The following GLIS3 variants were observed in gnomAD, a reference collection of about 807,000 sequenced individuals.
The protein encoded by GLIS3 is zinc finger protein GLIS3.
A neutral mutation model predicts 78.6 loss-of-function variants in GLIS3; 53 were observed. The ratio of observed to expected loss-of-function variants is 0.67; its 90% confidence interval spans 0.54 to 0.85. The LOEUF (loss-of-function observed/expected upper bound fraction) is 0.85. GLIS3 is among the 40% of genes least tolerant of loss of function. GLIS3 has a pLI of 0.00. For missense variants in GLIS3, 1,703 were observed against 1,231.1 expected, an observed-to-expected ratio of 1.38 and a Z score of -5.74; for synonymous variants, 684 against 509.9, an observed-to-expected ratio of 1.34 and a Z score of -4.60.
At chr9:4,323,473 T>G (rs1436398078) in intron 2 of GLIS3, among the ~76,000 whole-genome samples, 3 of 152,220 alleles carry the variant, frequency 2.0e-5, no homozygotes, top group African/African-American at 7.2e-5. Flanking sequence ...AGGGATTCAT[T>G]CATTTATATT....
chr9:3,885,667 G>C (rs1319681383), intron 7 of GLIS3, among the ~76,000 whole-genome samples: 1 of 152,202 alleles, frequency 6.6e-6, no homozygotes, highest in Non-Finnish European at 1.5e-5. Context: ...ACACTGAAAA[G>C]AATGAGAAGC....
the GLIS3 span, among the ~76,000 whole-genome samples, chr9:4,464,767 A>G: frequency 5.3e-5 from 8 of 152,224 alleles, no homozygotes; most frequent in Admixed American, 3.3e-4. Flanking sequence ...GGCAAATAAT[A>G]TAAGTGGTAT....
chr9:3,881,549 A>G (rs1010522511), intron 7 of GLIS3, among the ~76,000 whole-genome samples: 2 of 152,194 alleles, frequency 1.3e-5, no homozygotes, highest in African/African-American at 4.8e-5. Context: ...CTACAATGAC[A>G]TAGGCTGGGA....
chr9:4,465,478 G>A, the GLIS3 span, among the ~76,000 whole-genome samples: 3 of 152,198 alleles, frequency 2.0e-5, no homozygotes, highest in Non-Finnish European at 4.4e-5. Flanking sequence ...GAACCCGGAA[G>A]ACAGAGGCTG....
intron 8 of GLIS3, among the ~76,000 whole-genome samples, chr9:3,864,620 G>A (rs1820449019): frequency 6.6e-6 from 1 of 152,188 alleles, no homozygotes; most frequent in East Asian, 1.9e-4. Context: ...CTGGCCGGGT[G>A]ACGCTTCAGT....
chr9:4,067,610 G>A (rs149072472), intron 4 of GLIS3, among the ~76,000 whole-genome samples: 1 of 152,078 alleles, frequency 6.6e-6, no homozygotes, highest in African/African-American at 2.4e-5. Flanking sequence ...AATTCAACAA[G>A]ATTCAAGCGG....
intron 4 of GLIS3, among the ~76,000 whole-genome samples, chr9:4,062,603 T>C (rs1183481477): frequency 6.6e-6 from 1 of 152,184 alleles, no homozygotes; most frequent in Admixed American, 6.5e-5. Flanking sequence ...GCCTACCCCA[T>C]AATTGCTGTG....
At chr9:4,422,903 C>T in the GLIS3 span, among the ~76,000 whole-genome samples, 1 of 152,150 alleles carries the variant, frequency 6.6e-6, no homozygotes, top group Non-Finnish European at 1.5e-5. Context: ...TTCCTTTGAA[C>T]CCCAGGACCC....
At chr9:4,008,728 G>T (rs1478678874) in intron 4 of GLIS3, among the ~76,000 whole-genome samples, 1 of 152,174 alleles carries the variant, frequency 6.6e-6, no homozygotes, top group Non-Finnish European at 1.5e-5. Context: ...TGGGAATCTG[G>T]AGGCTTCTGA....
intron 4 of GLIS3, among the ~76,000 whole-genome samples, chr9:4,087,986 C>G (rs935472341): frequency 1.3e-5 from 2 of 152,332 alleles, no homozygotes; most frequent in East Asian, 3.9e-4. Flanking sequence ...CCTAGACAGA[C>G]TCCACATGTC....
chr9:4,038,713 A>G lies in GLIS3; in HGVS notation c.1710+79055T>C, dbSNP rs144996805. Among the ~76,000 whole-genome samples, 488 of 152,310 alleles carry G rather than the reference A, an allele frequency of 3.2e-3. 3 individuals are homozygous for G. The highest frequency in any genetic ancestry group is 0.011 in the African/African-American group (470 of 41,578). On this transcript the variant is annotated intron_variant, in intron 4 of 10. Coordinates refer to ENST00000381971, the MANE Select transcript of GLIS3 (RefSeq NM_001042413.2). ...TGACATAGTTTGGCCACACGTATTC[A>G]GCTCTCCACTATTCTTTTTTTCATT...
At chr9:4,368,096 T>C in the GLIS3 span, among the ~76,000 whole-genome samples, 1 of 152,240 alleles carries the variant, frequency 6.6e-6, no homozygotes, top group Non-Finnish European at 1.5e-5. Flanking sequence ...AATGAACGTA[T>C]CACATGGCAT....
intron 2 of GLIS3, among the ~76,000 whole-genome samples, chr9:4,168,722 G>A (rs1349796726): frequency 6.6e-6 from 1 of 152,154 alleles, no homozygotes; most frequent in Admixed American, 6.5e-5. Context: ...TTTCAACAAT[G>A]CCAAATACTT....
At chr9:4,300,856 A>T (rs942956011), upstream of GLIS3, among the ~76,000 whole-genome samples, 3 of 152,038 alleles carry the variant, frequency 2.0e-5, no homozygotes, top group Non-Finnish European at 4.4e-5. Flanking sequence ...TATGTAATGC[A>T]CACAATATCC....
At chr9:4,145,783 T>C (rs779223009) in intron 2 of GLIS3, among the ~76,000 whole-genome samples, 31 of 150,514 alleles carry the variant, frequency 2.1e-4, no homozygotes, top group Non-Finnish European at 3.0e-5. Context: ...TCTCTCCCTC[T>C]CTCTCCTTTA....
chr9:4,398,655 G>T, the GLIS3 span, among the ~76,000 whole-genome samples: 4 of 151,870 alleles, frequency 2.6e-5, no homozygotes, highest in Non-Finnish European at 5.9e-5. Flanking sequence ...TCATTCTCTG[G>T]ACTGTGAAGT....
At chr9:4,070,506 T>TTGTGTG (rs139606508) in intron 4 of GLIS3, among the ~76,000 whole-genome samples, 3 of 151,248 alleles carry the variant, frequency 2.0e-5, no homozygotes, top group Non-Finnish European at 4.4e-5. Flanking sequence ...GCGTAAGTAT[T>TTGTGTG]TGTGTGTGTG....
intron 7 of GLIS3, among the ~76,000 whole-genome samples, chr9:3,892,295 A>G (rs575600363): frequency 3.2e-4 from 48 of 152,336 alleles, no homozygotes; most frequent in African/African-American, 8.9e-4. Flanking sequence ...TAAGACTCCA[A>G]TAAGACTCCA....
intron 9 of GLIS3, among the ~76,000 whole-genome samples, chr9:3,831,196 T>C (rs1455476685): frequency 6.6e-6 from 1 of 152,160 alleles, no homozygotes; most frequent in African/African-American, 2.4e-5. Flanking sequence ...GTTATTAGTA[T>C]AGACTAGGAA....
Sources: allele counts gnomAD v4.1 joint callset (sites outside exome capture counted in the v4.1 genomes callset), GRCh38; gene constraint gnomAD v4.1.1; transcripts MANE v1.5; gene names NCBI Gene and HGNC (gene_info 2026-07-23, HGNC 2026-07-21).